SCRN1: variants seen among roughly 807,000 people sequenced by gnomAD.
SCRN1 encodes secernin 1, also known as secernin-1.
SCRN1 carries 19 observed loss-of-function variants against 43.3 expected under a neutral mutation model. That is an observed-to-expected ratio of 0.44 (90% confidence interval 0.31 to 0.64). The LOEUF is 0.64. Ranked by LOEUF, SCRN1 falls within the 30% of genes least tolerant of loss-of-function variation. The pLI is 0.09. For synonymous variants in SCRN1, 183 were observed against 188.9 expected (o/e 0.97, Z 0.26); for missense variants, 447 against 524.1 (o/e 0.85, Z 1.44).
chr7:29,930,414 G>A (rs1285127979), intron 6 of SCRN1, among the ~76,000 whole-genome samples: 1 of 152,192 alleles, frequency 6.6e-6, no homozygotes, highest in Non-Finnish European at 1.5e-5. Context: ...ATTCCAAATA[G>A]ATAAGGAGAT....
chr7:29,949,044 G>A (rs998885510), intron 3 of SCRN1, among the ~76,000 whole-genome samples: 7 of 152,178 alleles, frequency 4.6e-5, no homozygotes, highest in Non-Finnish European at 8.8e-5. Context: ...GGACAGGAGC[G>A]GTGGCTCACA....
chr7:29,971,232 C>T (rs1788656937), intron 1 of SCRN1, among the ~76,000 whole-genome samples: 1 of 152,234 alleles, frequency 6.6e-6, no homozygotes, highest in African/African-American at 2.4e-5. Context: ...GCCTAGGTTT[C>T]CCTCTTGCAA....
intron 3 of SCRN1, among the ~76,000 whole-genome samples, chr7:29,952,805 T>G (rs924939607): frequency 6.6e-6 from 1 of 152,180 alleles, no homozygotes; most frequent in African/African-American, 2.4e-5. Context: ...TGATCATAGC[T>G]GCTTTAAAGA....
chr7:29,931,417 A>G (rs1787149839), intron 6 of SCRN1, among the ~76,000 whole-genome samples: 1 of 152,240 alleles, frequency 6.6e-6, no homozygotes, highest in Non-Finnish European at 1.5e-5. Flanking sequence ...CATTTTACAT[A>G]TGAGATGACT....
intron 3 of SCRN1, among the ~76,000 whole-genome samples, chr7:29,953,856 T>C (rs1490564334): frequency 1.3e-5 from 2 of 152,154 alleles, no homozygotes; most frequent in African/African-American, 4.8e-5. Flanking sequence ...GGATGTTAGC[T>C]TTGGGAGTTC....
At chr7:29,961,565 G>T (rs1359728873) in intron 2 of SCRN1, among the ~76,000 whole-genome samples, 1 of 150,476 alleles carries the variant, frequency 6.6e-6, no homozygotes, top group Non-Finnish European at 1.5e-5. Flanking sequence ...ATCCTGGCCC[G>T]TTCTCAGTGA....
At chr7:29,934,103 AGTCATG>A (rs1787246215) in intron 6 of SCRN1, among the ~76,000 whole-genome samples, 1 of 152,260 alleles carries the variant, frequency 6.6e-6, no homozygotes, top group Non-Finnish European at 1.5e-5. Flanking sequence ...AAAGTTCTAC[AGTCATG>A]GTAGGAAATG....
chr7:29,983,369 G>C (rs867917452), intron 1 of SCRN1, among the ~76,000 whole-genome samples: 3 of 151,394 alleles, frequency 2.0e-5, no homozygotes, highest in South Asian at 4.2e-4. Flanking sequence ...GAGTTGGTGG[G>C]TGCAGCGCAC....
upstream of SCRN1, chr7:29,989,966 G>A (rs943594734): frequency 4.4e-5 from 61 of 1,390,886 alleles, no homozygotes; most frequent in African/African-American, 8.3e-4. Context: ...GGGGGCCTGG[G>A]AGCTGGAGGA....
chr7:29,932,574 C>T (rs1406032709), intron 6 of SCRN1, among the ~76,000 whole-genome samples: 1 of 147,414 alleles, frequency 6.8e-6, no homozygotes, highest in Non-Finnish European at 1.5e-5. Context: ...ATCGTTTGAA[C>T]CCAGGAGGTG....
At chr7:29,959,568 CA>C (rs1788240751) in intron 2 of SCRN1, among the ~76,000 whole-genome samples, 2 of 152,130 alleles carry the variant, frequency 1.3e-5, no homozygotes, top group African/African-American at 4.8e-5. Context: ...CCATGCCCTC[CA>C]TGTTTGTTTT....
intron 2 of SCRN1, among the ~76,000 whole-genome samples, chr7:29,959,756 G>C (rs1313329750): frequency 1.3e-5 from 2 of 151,928 alleles, no homozygotes; most frequent in Non-Finnish European, 2.9e-5. Flanking sequence ...TAAGATCTTT[G>C]GGGAGGAACA....
intron 2 of SCRN1, among the ~76,000 whole-genome samples, chr7:29,961,465 ACTT>A (rs1201846640): frequency 2.1e-5 from 3 of 141,242 alleles, no homozygotes; most frequent in African/African-American, 5.3e-5. Flanking sequence ...TCCCATGTCT[ACTT>A]CTTTCTACAC....
At position 29,923,779 on chromosome 7, in the gene SCRN1, G is replaced by T; in HGVS notation, c.*178C>A. ...ACTGCACAGGAAGGAGACCTACATT[G>T]CAGAAGGGGACGCTGTGAGATTCAA... On this transcript the variant is annotated 3_prime_UTR_variant, in exon 8 of 8. Transcript: ENST00000242059. The T allele has an allele frequency of 1.5e-6, 1 of 681,460 alleles. No individual in the cohort carries two copies. The highest frequency in any genetic ancestry group is 2.5e-6 in the Non-Finnish European group (1 of 396,382). The allele number at this position is 681,460 out of a possible 1,614,324, so 42.2% of individuals were successfully genotyped here. A position where few individuals can be genotyped will look rare whatever the true frequency, so the allele number is the denominator to read the frequency against.
intron 1 of SCRN1, among the ~76,000 whole-genome samples, chr7:29,978,021 A>G (rs574127837): frequency 4.6e-5 from 7 of 152,304 alleles, no homozygotes; most frequent in African/African-American, 1.7e-4. Context: ...TCACCTTTTG[A>G]AGATTTGCTT....
In SCRN1 at chr7:29,950,470, G is replaced by A. The variant is rs112541222; in HGVS notation, c.341+4709C>T. Among the ~76,000 whole-genome samples, 14 of 152,332 alleles carry A rather than the reference G, an allele frequency of 9.2e-5. No homozygotes were observed. The highest frequency in any genetic ancestry group is 2.2e-4 in the African/African-American group (9 of 41,572). On this transcript the variant is annotated intron_variant, in intron 3 of 7. Coordinates refer to ENST00000242059, the MANE Select transcript of SCRN1 (RefSeq NM_014766.5). This position sits in a 1 kb window ranked among gnomAD's most constrained non-coding sequence, Gnocchi z 4.5. ...GCAGGAGGCAGACAGTTTCCTGGGC[G>A]GAAAGGAGCAGGTCCCCAGTGAAAC...
chr7:29,955,655 C>G (rs907266005), intron 2 of SCRN1, among the ~76,000 whole-genome samples: 2 of 152,210 alleles, frequency 1.3e-5, no homozygotes, highest in Non-Finnish European at 2.9e-5. Flanking sequence ...CCCATTTCAA[C>G]AGGCACAGGC....
chr7:29,957,134 G>T (rs1353046819), intron 2 of SCRN1, among the ~76,000 whole-genome samples: 1 of 152,152 alleles, frequency 6.6e-6, no homozygotes, highest in Non-Finnish European at 1.5e-5. Context: ...ATTAGGAAAT[G>T]GTTTATTTGT....
Position 29,926,679 on chromosome 7 carries a change from G to A in SCRN1, c.906-47C>T, listed in dbSNP as rs114076483. The A allele has an allele frequency of 2.4e-3, 3,716 of 1,570,802 alleles. 72 individuals are homozygous for A. In the African/African-American group the frequency reaches 0.043, roughly 18 times the overall value. On this transcript the variant is annotated intron_variant, in intron 6 of 7. Coordinates refer to ENST00000242059, the MANE Select transcript of SCRN1 (RefSeq NM_014766.5). ...TTCAGCCAGGCAGAGGCTGGGACCC[G>A]GGAACACCCAGAGACTGTCCTTTTA...
Sources: gnomAD v4.1 joint callset for allele counts (sites outside exome capture counted in the v4.1 genomes callset) on GRCh38, gnomAD v4.1.1 for gene constraint, Gnocchi (gnomAD v3.1) non-coding constraint, MANE v1.5 for transcripts, NCBI Gene and HGNC (gene_info 2026-07-23, HGNC 2026-07-21) for gene names.